Variants in NTN4 observed in about 807,000 individuals in gnomAD.
NTN4 encodes the protein netrin 4, also known as netrin-4.
NTN4 carries 32 observed loss-of-function variants against 73.6 expected under a neutral mutation model. That is an observed-to-expected ratio of 0.44 (90% confidence interval 0.33 to 0.58). The LOEUF is 0.58. NTN4 is among the 20% of genes least tolerant of loss of function. The probability of loss-of-function intolerance (pLI) is 0.04; values close to 1 mark genes in which losing one functional copy is unlikely to be tolerated. For missense variants in NTN4, 654 were observed against 798.3 expected, an observed-to-expected ratio of 0.82 and a Z score of 2.18; for synonymous variants, 258 against 287.5, an observed-to-expected ratio of 0.90 and a Z score of 1.04.
rs746990192 is a variant in NTN4 at position 95,713,202 on chromosome 12, T to C, written c.991+10A>G. The C allele has an allele frequency of 3.7e-5, 60 of 1,609,270 alleles. No individual in the cohort carries two copies. The highest frequency in any genetic ancestry group is 4.9e-5 in the Non-Finnish European group (58 of 1,176,074). On this transcript the variant is annotated intron_variant, in intron 4 of 9. Transcript: ENST00000343702. ...AGAAAGCTTTTGAGTATCGTGGGCT[T>C]GTTACTTACTTCTGCACTCGTTGGG...
At chr12:95,732,403 T>TTG (rs2078744859) in intron 3 of NTN4, among the ~76,000 whole-genome samples, 1 of 147,858 alleles carries the variant, frequency 6.8e-6, no homozygotes, top group Admixed American at 6.7e-5. Flanking sequence ...CCTCTTTTTT[T>TTG]TTTTTTTTTT....
chr12:95,676,975 G>A (rs150343514), intron 7 of NTN4, among the ~76,000 whole-genome samples: 7,602 of 152,182 alleles, frequency 0.05, 238 homozygotes, highest in Non-Finnish European at 0.08. Context: ...GGTGGCTCAC[G>A]CCTGTAATCC....
intron 5 of NTN4, among the ~76,000 whole-genome samples, chr12:95,693,016 ATAT>A (rs2078412917): frequency 6.6e-6 from 1 of 152,052 alleles, no homozygotes; most frequent in Non-Finnish European, 1.5e-5. Context: ...AAAAAAAAGG[ATAT>A]TATTATCTAG....
intron 3 of NTN4, among the ~76,000 whole-genome samples, chr12:95,727,872 T>TA (rs2078706876): frequency 6.6e-6 from 1 of 152,224 alleles, no homozygotes; most frequent in South Asian, 2.1e-4. Context: ...AGTGAATCTA[T>TA]AGGTCAGTTT....
chr12:95,775,048 G>A (rs2079081824), intron 2 of NTN4, among the ~76,000 whole-genome samples: 2 of 152,218 alleles, frequency 1.3e-5, no homozygotes, highest in South Asian at 4.1e-4. Context: ...TTACTCATGA[G>A]TAATATTCTT....
At chr12:95,686,862 T>G (rs900366493) in intron 5 of NTN4, among the ~76,000 whole-genome samples, 2 of 152,220 alleles carry the variant, frequency 1.3e-5, no homozygotes, top group African/African-American at 4.8e-5. Context: ...TAAAATAAAT[T>G]TTTCATAAAT....
At chr12:95,717,562 A>G (rs1371252197) in intron 3 of NTN4, among the ~76,000 whole-genome samples, 1 of 152,148 alleles carries the variant, frequency 6.6e-6, no homozygotes, top group East Asian at 1.9e-4. Context: ...ATTTGAAACA[A>G]GAAATCCTTC....
chr12:95,719,657 T>C (rs1031120690), intron 3 of NTN4, among the ~76,000 whole-genome samples: 2 of 152,168 alleles, frequency 1.3e-5, no homozygotes, highest in Non-Finnish European at 1.5e-5. Flanking sequence ...CAACACAACC[T>C]TTGAATAGAA....
rs1056310349 is a variant in NTN4 at position 95,789,569 on chromosome 12, C to T, written c.55+686G>A. Among the ~76,000 whole-genome samples the T allele has an allele frequency of 6.6e-6, 1 of 152,154 alleles. No individual in the cohort carries two copies. The highest frequency in any genetic ancestry group is 1.5e-5 in the Non-Finnish European group (1 of 68,020). Reference sequence around the variant, plus strand: ...GGAGTGGGAGGGAGAGGGCATCTGCCGACGCCGACGCCGGTTGTCCAGTTA... The same window carrying T: ...GGAGTGGGAGGGAGAGGGCATCTGCTGACGCCGACGCCGGTTGTCCAGTTA... On this transcript the variant is annotated intron_variant, in intron 1 of 9. Transcript: ENST00000343702. This position sits in a 1 kb window ranked among gnomAD's most constrained non-coding sequence, Gnocchi z 4.0.
Position 95,790,297 on chromosome 12 carries a change from C to A in NTN4, c.13G>T (p.Ala5Ser). The change falls in exon 1 of 10, where the codon GCG becomes TCG. Residue 5 changes from alanine (A) to serine (S), a missense_variant. Transcript: ENST00000343702. This position sits in a 1 kb window ranked among gnomAD's most constrained non-coding sequence, Gnocchi z 6.5. MGSC[A>S]RLLLLWGCTV... is the part of the protein sequence containing the mutation. ...CAGCCCCAGAGCAGCAGCAGCCGCG[C>A]GCAGCTCCCCATGGCCGGGAGGAGC... is the stretch of plus-strand genomic sequence containing the variant. The A allele has an allele frequency of 6.5e-7, 1 of 1,532,174 alleles. No homozygotes were observed. The highest frequency in any genetic ancestry group is 1.4e-5 in the African/African-American group (1 of 70,436). 94.9% of individuals were successfully genotyped at this position (1,532,174 alleles called of 1,614,324 possible).
At chr12:95,699,829 G>A (rs1202953930) in intron 5 of NTN4, among the ~76,000 whole-genome samples, 3 of 152,146 alleles carry the variant, frequency 2.0e-5, no homozygotes, top group Non-Finnish European at 4.4e-5. Context: ...AGGGAGGAAG[G>A]AAGGGCATGC....
intron 7 of NTN4, among the ~76,000 whole-genome samples, chr12:95,682,325 A>T (rs2078323917): frequency 6.6e-6 from 1 of 151,514 alleles, no homozygotes; most frequent in South Asian, 2.1e-4. Context: ...AAATGCTGGG[A>T]TTATACTCAC....
chr12:95,768,880 G>A (rs944945373), intron 2 of NTN4, among the ~76,000 whole-genome samples: 5 of 152,112 alleles, frequency 3.3e-5, no homozygotes, highest in African/African-American at 1.2e-4. Flanking sequence ...GTGGATGATC[G>A]AAGCTGGCTG....
intron 2 of NTN4, among the ~76,000 whole-genome samples, chr12:95,757,498 A>G (rs2078954404): frequency 6.6e-6 from 1 of 152,194 alleles, no homozygotes; most frequent in South Asian, 2.1e-4. Context: ...GAGAATTAAT[A>G]TGGCAAAGAG....
intron 9 of NTN4, among the ~76,000 whole-genome samples, chr12:95,662,182 TCTCCCCTCCC>T (rs1202688000): frequency 6.0e-5 from 9 of 150,712 alleles, no homozygotes; most frequent in Non-Finnish European, 1.3e-4. Flanking sequence ...CCCCTAAACG[TCTCCCCTCCC>T]CTCCCCTTCC....
intron 2 of NTN4, among the ~76,000 whole-genome samples, chr12:95,748,919 G>A (rs368116454): frequency 2.0e-5 from 3 of 152,226 alleles, no homozygotes; most frequent in Admixed American, 1.3e-4. Flanking sequence ...GCACATATAC[G>A]CCCAGATGGC....
At chr12:95,738,954 C>T (rs117685977) in intron 2 of NTN4, among the ~76,000 whole-genome samples, 2,453 of 152,234 alleles carry the variant, frequency 0.016, 207 homozygotes, top group Admixed American at 0.14. Context: ...CTGAAGACCT[C>T]CCATTCTCCT....
chr12:95,776,899 A>G (rs971600822), intron 2 of NTN4, among the ~76,000 whole-genome samples: 1 of 152,124 alleles, frequency 6.6e-6, no homozygotes, highest in Non-Finnish European at 1.5e-5. Context: ...AAATGTTAAG[A>G]GCAGCCAGAG....
intron 8 of NTN4, among the ~76,000 whole-genome samples, chr12:95,666,269 CAG>C (rs1555213256): frequency 6.6e-6 from 1 of 152,030 alleles, no homozygotes; most frequent in Non-Finnish European, 1.5e-5. Flanking sequence ...TTTGGGGACT[CAG>C]GGGGAAGAGA....
Sources: allele counts gnomAD v4.1 joint callset (sites outside exome capture counted in the v4.1 genomes callset), GRCh38; gene constraint gnomAD v4.1.1; non-coding constraint Gnocchi (gnomAD v3.1); transcripts MANE v1.5; gene names NCBI Gene and HGNC (gene_info 2026-07-23, HGNC 2026-07-21).